The following DAB1 variants were observed in gnomAD, a reference collection of about 807,000 sequenced individuals.
DAB1 encodes the protein disabled homolog 1.
DAB1 carries 15 observed loss-of-function variants against 64.6 expected under a neutral mutation model. That is an observed-to-expected ratio of 0.23 (90% confidence interval 0.16 to 0.36). DAB1 has a LOEUF of 0.36. Ranked by LOEUF, DAB1 falls within the 10% of genes least tolerant of loss-of-function variation. The pLI is 1.00. For missense variants in DAB1, 596 were observed against 706.7 expected (o/e 0.84, Z 1.78); for synonymous variants, 235 against 251.9 (o/e 0.93, Z 0.64).
chr1:57,464,715 G>GA (rs1267142524), intron 7 of DAB1, among the ~76,000 whole-genome samples: 5 of 152,056 alleles, frequency 3.3e-5, no homozygotes, highest in Non-Finnish European at 5.9e-5. Flanking sequence ...ATTCTTCCTG[G>GA]AGTCTTATCA....
chr1:58,447,947 C>T (rs1645089482), intron 3 of DAB1, among the ~76,000 whole-genome samples: 1 of 151,626 alleles, frequency 6.6e-6, no homozygotes, highest in Admixed American at 6.6e-5. Flanking sequence ...TTATCCAGAA[C>T]CAGGTTTTCT....
chr1:57,343,461 C>A (rs973951652), intron 1 of DAB1, among the ~76,000 whole-genome samples: 15 of 152,248 alleles, frequency 9.9e-5, no homozygotes, highest in Admixed American at 3.3e-4. Flanking sequence ...CACTCCTGAG[C>A]CCTTGGGTGG....
At chr1:58,222,756 C>T (rs1659242093) in intron 4 of DAB1, among the ~76,000 whole-genome samples, 2 of 152,184 alleles carry the variant, frequency 1.3e-5, no homozygotes, top group Admixed American at 6.5e-5. Context: ...AATGACTATT[C>T]ATGTTATTGT....
chr1:57,370,636 C>A (rs956678304), intron 1 of DAB1, among the ~76,000 whole-genome samples: 1 of 150,940 alleles, frequency 6.6e-6, no homozygotes, highest in Non-Finnish European at 1.5e-5. Flanking sequence ...AAACGTGTAA[C>A]CCTGGAGTGA....
chr1:57,608,561 A>G (rs1436019994), intron 7 of DAB1, among the ~76,000 whole-genome samples: 1 of 152,214 alleles, frequency 6.6e-6, no homozygotes, highest in Non-Finnish European at 1.5e-5. Flanking sequence ...TCTCCTTTTA[A>G]TTAATACCAT....
intron 7 of DAB1, among the ~76,000 whole-genome samples, chr1:57,519,184 A>G (rs551796143): frequency 1.3e-5 from 2 of 152,280 alleles, no homozygotes; most frequent in East Asian, 1.9e-4. Context: ...TTAATGCTGC[A>G]TTTGAATTAA....
At chr1:57,204,333 G>A (rs1367406780) in intron 2 of DAB1, among the ~76,000 whole-genome samples, 2 of 151,862 alleles carry the variant, frequency 1.3e-5, no homozygotes, top group East Asian at 3.9e-4. Flanking sequence ...TGGGAGTGGG[G>A]GTCATGGTAA....
intron 4 of DAB1, among the ~76,000 whole-genome samples, chr1:57,131,170 G>T (rs1260128887): frequency 6.6e-6 from 1 of 152,106 alleles, no homozygotes; most frequent in Non-Finnish European, 1.5e-5. Context: ...ACAAAAGAAA[G>T]AAAATAAGCT....
At chr1:57,163,611 G>A (rs1660963535) in intron 2 of DAB1, among the ~76,000 whole-genome samples, 1 of 152,004 alleles carries the variant, frequency 6.6e-6, no homozygotes, top group Non-Finnish European at 1.5e-5. Context: ...CTCACATTTT[G>A]TAAAGATTTT....
intron 6 of DAB1, among the ~76,000 whole-genome samples, chr1:57,653,454 A>C (rs1278912904): frequency 6.6e-6 from 1 of 152,176 alleles, no homozygotes; most frequent in Non-Finnish European, 1.5e-5. Flanking sequence ...TTTATATTTT[A>C]GCCTAATGAT....
chr1:58,237,896 A>G (rs1660118439), intron 4 of DAB1, among the ~76,000 whole-genome samples: 1 of 152,216 alleles, frequency 6.6e-6, no homozygotes, highest in African/African-American at 2.4e-5. Context: ...AATCAAAATA[A>G]TAGCCAACTC....
intron 7 of DAB1, among the ~76,000 whole-genome samples, chr1:57,644,444 T>C (rs1646168253): frequency 6.6e-6 from 1 of 152,154 alleles, no homozygotes; most frequent in South Asian, 2.1e-4. Context: ...AAGTAGGGAA[T>C]TCCCTATTAT....
chr1:57,803,255 A>G (rs1340819579), intron 6 of DAB1, among the ~76,000 whole-genome samples: 1 of 152,252 alleles, frequency 6.6e-6, no homozygotes, highest in Non-Finnish European at 1.5e-5. Context: ...TCTCCAGGGC[A>G]AAGGAAAGTT....
At chr1:57,678,768 G>GTTT (rs1020869562) in intron 6 of DAB1, among the ~76,000 whole-genome samples, 1 of 141,556 alleles carries the variant, frequency 7.1e-6, no homozygotes, top group African/African-American at 2.6e-5. Flanking sequence ...ACTGTTTTTT[G>GTTT]TTTTTTTTTT....
intron 7 of DAB1, among the ~76,000 whole-genome samples, chr1:57,530,271 A>G (rs890849787): frequency 1.3e-5 from 2 of 152,184 alleles, no homozygotes; most frequent in African/African-American, 4.8e-5. Context: ...TTTGTTATGT[A>G]CTAAAGAAAG....
At chr1:57,006,967 C>T (rs1430434083) in intron 14 of DAB1, among the ~76,000 whole-genome samples, 1 of 152,122 alleles carries the variant, frequency 6.6e-6, no homozygotes, top group Non-Finnish European at 1.5e-5. Context: ...AGGCCCCTGA[C>T]TCTGTGTTTT....
At chr1:57,579,184 G>T (rs1645284113) in intron 7 of DAB1, among the ~76,000 whole-genome samples, 1 of 152,156 alleles carries the variant, frequency 6.6e-6, no homozygotes, top group African/African-American at 2.4e-5. Context: ...ATAAGTTCAA[G>T]CAAGCCAGGG....
intron 5 of DAB1, among the ~76,000 whole-genome samples, chr1:58,142,436 T>G (rs1654341269): frequency 6.6e-6 from 1 of 152,196 alleles, no homozygotes; most frequent in African/African-American, 2.4e-5. Context: ...GACTGAGTGG[T>G]GGCGTTTTTG....
intron 7 of DAB1, among the ~76,000 whole-genome samples, chr1:57,613,984 C>T (rs756211107): frequency 6.6e-6 from 1 of 152,110 alleles, no homozygotes; most frequent in Non-Finnish European, 1.5e-5. Flanking sequence ...ACCTGTATAT[C>T]GGTAGCAGGA....
Sources: gnomAD v4.1 joint callset for allele counts (sites outside exome capture counted in the v4.1 genomes callset) on GRCh38, gnomAD v4.1.1 for gene constraint, MANE v1.5 for transcripts, NCBI Gene and HGNC (gene_info 2026-07-23, HGNC 2026-07-21) for gene names.